Variants in KIR2DL1 observed in about 807,000 individuals in gnomAD.
KIR2DL1 encodes killer cell immunoglobulin-like receptor 2DL1.
Under a neutral mutation model 33.9 loss-of-function variants are expected in KIR2DL1, and 38 were observed. The observed-to-expected ratio is 1.12, with a 90% CI of 0.86 to 1.47. KIR2DL1 has a LOEUF of 1.47. Ranked by LOEUF, KIR2DL1 falls within the 40% of genes most tolerant of loss-of-function variation. KIR2DL1 has a pLI of 0.00. For synonymous variants in KIR2DL1, 179 were observed against 165.9 expected (o/e 1.08, Z -0.61); for missense variants, 531 against 433.9 (o/e 1.22, Z -1.99).
At chr19:54,769,989 T>TATGGGC (rs2075461251) in intron 1 of KIR2DL1, 105 bp downstream of exon 1, 1 of 1,423,738 alleles carries the variant, frequency 7.0e-7, no homozygotes, top group African/African-American at 1.5e-5. Context: ...GGAGTGGAGA[T>TATGGGC]CTGGGCCTGG....
Position 54,783,392 on chromosome 19 carries a change from A to T in KIR2DL1, c.818-94A>T, listed in dbSNP as rs1027223243. ...TGTTGGCAACTGAGGGACCTCAGCC[A>T]CCTATGGTCTCCCCCTGTATGTTGG... On this transcript the variant is annotated intron_variant, in intron 6 of 7. Transcript: ENST00000336077. 6.9e-5 allele frequency: 99 copies of T among 1,430,832 alleles called. No homozygotes were observed. In the South Asian group the frequency reaches 7.0e-4, roughly 10 times the overall value. The allele number at this position is 1,430,832 out of a possible 1,614,324, so 88.6% of individuals were successfully genotyped here.
rs1371852546 is a variant in KIR2DL1, at chr19:54,783,927, C to T, written c.*114C>T. ...GGAATCTGAAGGCGTGAGTCTGCAT[C>T]TTAGGGCATCGATCTTCCTCACACC... On this transcript the variant is annotated 3_prime_UTR_variant, in exon 8 of 8. Transcript: ENST00000336077. The T allele has an allele frequency of 2.8e-6, 4 of 1,437,502 alleles. No homozygotes were observed. In the African/African-American group the frequency reaches 5.6e-5, roughly 20 times the overall value. 89.0% of individuals were successfully genotyped at this position (1,437,502 alleles called of 1,614,324 possible). A position where few individuals can be genotyped will look rare whatever the true frequency, so the allele number is the denominator to read the frequency against.
rs765219636 is a variant in KIR2DL1 at position 54,770,878 on chromosome 19, C to A, written c.64C>A (p.His22Asn). 1.3e-6 allele frequency: 2 copies of A among 1,584,168 alleles called. No homozygotes were observed. Among genetic ancestry groups the A allele is most frequent in the East Asian group, 4.5e-5 (2 of 44,720 alleles). ...CTTCTTGCTGCAGGGGGCCTGGCCACATGAGGGTGAGTCCTTCTCCCAACC... is the reference window on the plus strand; with the variant it reads ...CTTCTTGCTGCAGGGGGCCTGGCCAAATGAGGGTGAGTCCTTCTCCCAACC... ...GFFLLQGAWP[H>N]EGVHRKPSLL... The change falls in exon 2 of 8, where the codon CAT (histidine) becomes AAT (asparagine). Residue 22 changes from histidine (H) to asparagine (N), a missense_variant. Transcript: ENST00000336077.
chr19:54,773,312 A>T, intron 2 of KIR2DL1, 21 bp from the exon 3 acceptor site: 1 of 1,588,346 alleles, frequency 6.3e-7, no homozygotes. Flanking sequence ...CACCTTCTAA[A>T]CTCACAACCT....
At chr19:54,776,985 G>A (rs80033210) in intron 4 of KIR2DL1, among the ~76,000 whole-genome samples, 411 of 138,002 alleles carry the variant, frequency 3.0e-3, no homozygotes, top group Middle Eastern at 0.012. Flanking sequence ...TCTCCGTAAT[G>A]GCTGTACTAA....
rs2916003 is a variant in KIR2DL1 at position 54,775,357 on chromosome 19, G to T, written c.563G>T (p.Gly188Val). The T allele has an allele frequency of 6.4e-7, 1 of 1,557,876 alleles. No homozygotes were observed. Among genetic ancestry groups the T allele is most frequent in the Non-Finnish European group, 8.8e-7 (1 of 1,140,446 alleles). ...NGTFQADFPL[G>V]PATHGGTYRC... ...ACATTCCAGGCTGACTTTCCTCTGGGCCCTGCCACCCACGGAGGGACCTAC... is the reference window on the plus strand; with the variant it reads ...ACATTCCAGGCTGACTTTCCTCTGGTCCCTGCCACCCACGGAGGGACCTAC... Residue 188 changes from glycine (G) to valine (V), a missense_variant, in exon 4 of 8, where the codon GGC becomes GTC. By Grantham distance (109) the Gly-to-Val change is moderately radical. Coordinates refer to ENST00000336077, the MANE Select transcript of KIR2DL1 (RefSeq NM_014218.3).
At chr19:54,771,511 C>G (rs1485251668) in intron 2 of KIR2DL1, among the ~76,000 whole-genome samples, 1 of 147,154 alleles carries the variant, frequency 6.8e-6, no homozygotes, top group African/African-American at 2.5e-5. Context: ...GGTGTGATAG[C>G]AGCCATAGAA....
chr19:54,775,677 G>C (rs1209000263), intron 4 of KIR2DL1, among the ~76,000 whole-genome samples: 1 of 148,574 alleles, frequency 6.7e-6, no homozygotes, highest in Admixed American at 6.8e-5. Context: ...CACCCAGGCA[G>C]ATGGAGAAAG....
chr19:54,775,512 G>A (rs2076226996), intron 4 of KIR2DL1, 54 bp downstream of exon 4: 1 of 1,498,182 alleles, frequency 6.7e-7, no homozygotes, highest in Non-Finnish European at 9.2e-7. Context: ...CCTTAGCTGA[G>A]GAGCTTCCTG....
At chr19:54,781,569 G>T (rs1600856294) in intron 5 of KIR2DL1, among the ~76,000 whole-genome samples, 2 of 151,502 alleles carry the variant, frequency 1.3e-5, no homozygotes, top group South Asian at 2.1e-4. Context: ...ATCAGCGACA[G>T]CACTAGCTCC....
chr19:54,773,912 C>T (rs1003956261), intron 3 of KIR2DL1, among the ~76,000 whole-genome samples: 7 of 148,452 alleles, frequency 4.7e-5, no homozygotes, highest in African/African-American at 1.7e-4. Context: ...AGAGGTGTCC[C>T]TCCATGCTGA....
At position 54,775,293 on chromosome 19, in the gene KIR2DL1, C is replaced by A; in HGVS notation, c.499C>A (p.His167Asn). ...CCATCTATCCAGGGAAGGGGAGGCC[C>A]ATGAACGTAGGCTCCCTGCAGGGCC... ...MYHLSREGEA[H>N]ERRLPAGPKV... The change falls in exon 4 of 8, where the codon CAT (histidine) becomes AAT (asparagine). Residue 167 changes from histidine (H) to asparagine (N), a missense_variant. Coordinates refer to ENST00000336077, the MANE Select transcript of KIR2DL1 (RefSeq NM_014218.3). The A allele has an allele frequency of 1.0e-5, 16 of 1,602,092 alleles. 4 individuals carry two copies. Among genetic ancestry groups the A allele is most frequent in the Non-Finnish European group, 1.3e-5 (15 of 1,171,152 alleles).
In KIR2DL1 at chr19:54,783,526, A is replaced by T; in HGVS notation, c.858A>T (p.Thr286=). Residue 286 remains threonine, a synonymous_variant, in exon 7 of 8, where the codon ACA becomes ACT. Coordinates refer to ENST00000336077, the MANE Select transcript of KIR2DL1 (RefSeq NM_014218.3). ...ACCAAGAGTCTGCAGGAAACAGAACAGCGAATAGCGAGGTAGGTACTCCTC... is the reference window on the plus strand; with the variant it reads ...ACCAAGAGTCTGCAGGAAACAGAACTGCGAATAGCGAGGTAGGTACTCCTC... The part of the protein sequence containing the change: ...VMDQESAGNR[T]ANSEDSDEQD... 6.2e-7 allele frequency: 1 copy of T among 1,613,782 alleles called. No individual in the cohort carries two copies. The highest frequency in any genetic ancestry group is 2.2e-5 in the East Asian group (1 of 44,874).
intron 6 of KIR2DL1, 137 bp from the exon 7 acceptor site, chr19:54,783,349 T>C: frequency 1.1e-6 from 1 of 905,306 alleles, no homozygotes; most frequent in Non-Finnish European, 1.7e-6. Context: ...CTCAGAGAGA[T>C]AGAATGTCTG....
chr19:54,778,031 T>C (rs111967558), intron 4 of KIR2DL1, among the ~76,000 whole-genome samples: 6,214 of 102,654 alleles, frequency 0.061, 9 homozygotes, highest in South Asian at 0.11. Flanking sequence ...GAGCCCGAGG[T>C]GGGTGGATCA....
rs371632019 is a variant in KIR2DL1 at position 54,783,873 on chromosome 19, G to A, written c.*60G>A. ...GAGACAACAGCCCTGTCTCAAAACC[G>A]GGTTGCCAGCTCCCATGTACCAGCA... On this transcript the variant is annotated 3_prime_UTR_variant, in exon 8 of 8. Transcript: ENST00000336077. 168 of 1,611,190 alleles carry A rather than the reference G, an allele frequency of 1.0e-4. 1 individual carries two copies. The East Asian group carries it at 2.5e-3, about 24-fold the overall frequency.
rs778160810 is a variant in KIR2DL1, at chr19:54,783,034, C to T, written c.817+11C>T. The T allele has an allele frequency of 0.036, 57,550 of 1,611,282 alleles. 1,403 individuals are homozygous for T. The highest frequency in any genetic ancestry group is 0.068 in the Middle Eastern group (413 of 6,056). ...GCTCCAACAAAAAAAGTAAGTCTCA[C>T]GAAGCAGAGGCCAGAGAGCTCAGGG... On this transcript the variant is annotated intron_variant, in intron 6 of 7. Transcript: ENST00000336077.
intron 2 of KIR2DL1, 90 bp from the exon 3 acceptor site, chr19:54,773,243 C>A: frequency 7.3e-7 from 1 of 1,362,936 alleles, no homozygotes; most frequent in Non-Finnish European, 1.0e-6. Flanking sequence ...AGAGATAAGA[C>A]ACCAGGAAGG....
At chr19:54,773,138 C>T (rs1346447874) in intron 2 of KIR2DL1, among the ~76,000 whole-genome samples, 195 bp from the exon 3 acceptor site, 1 of 148,152 alleles carries the variant, frequency 6.7e-6, no homozygotes, top group Non-Finnish European at 1.5e-5. Flanking sequence ...CTACTAGAGA[C>T]AGAGGGACAG....
Sources: gnomAD v4.1 joint callset for allele counts (sites outside exome capture counted in the v4.1 genomes callset) on GRCh38, gnomAD v4.1.1 for gene constraint, MANE v1.5 for transcripts, NCBI Gene and HGNC (gene_info 2026-07-23, HGNC 2026-07-21) for gene names.